Variants in BRINP1 observed in about 807,000 individuals in gnomAD.
BRINP1 encodes the protein BMP/retinoic acid inducible neural specific 1, also known as BMP/retinoic acid-inducible neural-specific protein 1.
Under a neutral mutation model 72.9 loss-of-function variants are expected in BRINP1, and 17 were observed. The ratio of observed to expected loss-of-function variants is 0.23; its 90% CI spans 0.16 to 0.35. BRINP1 has a LOEUF of 0.35. Among genes scored for constraint, BRINP1 ranks in the 10% least tolerant of loss-of-function variants. The pLI is 1.00. For synonymous variants in BRINP1, 418 were observed against 378.5 expected, an observed-to-expected ratio of 1.10 and a Z score of -1.21; for missense variants, 850 against 1,001.6, an observed-to-expected ratio of 0.85 and a Z score of 2.04.
chr9:119,278,961 C>T (rs534901628), intron 2 of BRINP1, among the ~76,000 whole-genome samples: 11 of 152,192 alleles, frequency 7.2e-5, no homozygotes, highest in African/African-American at 2.6e-4. Context: ...TTGATTTTTA[C>T]ATCCAAAATA....
chr9:119,195,528 A>G (rs934432848), intron 7 of BRINP1, among the ~76,000 whole-genome samples: 2 of 152,368 alleles, frequency 1.3e-5, no homozygotes, highest in South Asian at 2.1e-4. Flanking sequence ...AGCCCTTTGC[A>G]AACTTTAAAG....
chr9:119,305,452 C>T (rs937878845), intron 2 of BRINP1, among the ~76,000 whole-genome samples: 1 of 152,198 alleles, frequency 6.6e-6, no homozygotes, highest in African/African-American at 2.4e-5. Context: ...TGCTCTCCAA[C>T]CTTATGCCCT....
chr9:119,256,053 C>T (rs1182993333), intron 2 of BRINP1, among the ~76,000 whole-genome samples: 1 of 150,128 alleles, frequency 6.7e-6, no homozygotes, highest in African/African-American at 2.4e-5. Flanking sequence ...ATCCGTGTCT[C>T]TACCTGTGAA....
chr9:119,304,474 C>A (rs1417652465), intron 2 of BRINP1, among the ~76,000 whole-genome samples: 1 of 152,188 alleles, frequency 6.6e-6, no homozygotes, highest in Non-Finnish European at 1.5e-5. Flanking sequence ...GGATGCAAAG[C>A]CTTCCTCCAA....
chr9:119,280,500 TC>T (rs1320382817), intron 2 of BRINP1, among the ~76,000 whole-genome samples: 2 of 151,940 alleles, frequency 1.3e-5, no homozygotes, highest in Non-Finnish European at 2.9e-5. Context: ...TGCCTCAGCC[TC>T]CCAAAGTGCT....
intron 2 of BRINP1, chr9:119,283,217 CTCATCGTCCCTGGAACTGCAGCT>C: frequency 1.0e-6 from 1 of 977,978 alleles, no homozygotes; most frequent in Non-Finnish European, 1.2e-6. Context: ...AACAGTAGTC[CTCATCGTCCCTGGAACTGCAGCT>C]TCAGCTGCCT....
At chr9:119,268,120 G>A (rs1450144285) in intron 2 of BRINP1, among the ~76,000 whole-genome samples, 2 of 152,220 alleles carry the variant, frequency 1.3e-5, no homozygotes, top group South Asian at 2.1e-4. Flanking sequence ...GCACATGCCT[G>A]TAATCCCAGC....
chr9:119,289,180 G>A (rs369588240), intron 2 of BRINP1, among the ~76,000 whole-genome samples: 11 of 152,342 alleles, frequency 7.2e-5, no homozygotes, highest in African/African-American at 2.4e-4. Flanking sequence ...GCATTCTAAA[G>A]CAAAAGAACA....
At chr9:119,226,609 C>T (rs1242969608) in intron 5 of BRINP1, among the ~76,000 whole-genome samples, 4 of 151,980 alleles carry the variant, frequency 2.6e-5, no homozygotes, top group Non-Finnish European at 5.9e-5. Flanking sequence ...TCAGAAGCAG[C>T]TCTTTTTACA....
intron 2 of BRINP1, among the ~76,000 whole-genome samples, chr9:119,299,867 A>T (rs1305451611): frequency 6.6e-6 from 1 of 152,172 alleles, no homozygotes; most frequent in Non-Finnish European, 1.5e-5. Context: ...GGAAATGCAG[A>T]TATCCCAACT....
At chr9:119,342,641 T>A (rs2119025038) in intron 1 of BRINP1, among the ~76,000 whole-genome samples, 1 of 152,374 alleles carries the variant, frequency 6.6e-6, no homozygotes, top group Non-Finnish European at 1.5e-5. Context: ...AGACACCGTA[T>A]GCCTGGTCTT....
At chr9:119,282,365 C>T (rs10217394) in intron 2 of BRINP1, among the ~76,000 whole-genome samples, 34,536 of 152,040 alleles carry the variant, frequency 0.23, 5,077 homozygotes, top group East Asian at 0.51. Flanking sequence ...GGATCCCTTC[C>T]GTAAGATCCA....
intron 1 of BRINP1, among the ~76,000 whole-genome samples, chr9:119,349,506 G>C (rs1216483438): frequency 6.6e-6 from 1 of 152,202 alleles, no homozygotes; most frequent in Admixed American, 6.5e-5. Context: ...GCGTTACAAG[G>C]AAGATGGATT....
chr9:119,277,314 T>C (rs763962593), intron 2 of BRINP1, among the ~76,000 whole-genome samples: 84 of 152,326 alleles, frequency 5.5e-4, no homozygotes, highest in Admixed American at 1.7e-3. Flanking sequence ...GAAATCTCCA[T>C]GAAGGACGCA....
chr9:119,268,683 T>C (rs1298912592), intron 2 of BRINP1, among the ~76,000 whole-genome samples: 1 of 152,216 alleles, frequency 6.6e-6, no homozygotes, highest in Non-Finnish European at 1.5e-5. Flanking sequence ...CCACCTATTC[T>C]CCAGGCCTCG....
intron 1 of BRINP1, among the ~76,000 whole-genome samples, chr9:119,342,579 C>G (rs1831416077): frequency 6.6e-6 from 1 of 152,222 alleles, no homozygotes; most frequent in South Asian, 2.1e-4. Flanking sequence ...CCATTTATGT[C>G]TCCACAAAAT....
At chr9:119,249,840 AAGGAAGGAAGGAAGGG>A (rs1193389817) in intron 2 of BRINP1, among the ~76,000 whole-genome samples, 4 of 70,012 alleles carry the variant, frequency 5.7e-5, no homozygotes, top group African/African-American at 2.8e-4. Context: ...GGAAGGAAGG[AAGGAAGGAAGGAAGGG>A]AGGGAGGGAG....
At chr9:119,299,125 T>C (rs993242764) in intron 2 of BRINP1, among the ~76,000 whole-genome samples, 4 of 152,140 alleles carry the variant, frequency 2.6e-5, no homozygotes, top group Non-Finnish European at 5.9e-5. Flanking sequence ...ATTATTATTA[T>C]TATTAATTAC....
At position 119,197,487 on chromosome 9, in the gene BRINP1, TATC is replaced by T. The variant is rs1482555709; in HGVS notation, c.1145+11229_1145+11231del. Among the ~76,000 whole-genome samples the T allele has an allele frequency of 3.9e-5, 6 of 152,272 alleles. No homozygotes were observed. In the East Asian group the frequency reaches 9.6e-4, roughly 24 times the overall value. On this transcript the variant is annotated intron_variant, in intron 7 of 7. Transcript: ENST00000265922. ...ATGGTCAATGTATGACAGGTATTAT[TATC>T]ATCATTTTTTTCTTACTATAATAGG...
Sources: allele counts gnomAD v4.1 joint callset (sites outside exome capture counted in the v4.1 genomes callset), GRCh38; gene constraint gnomAD v4.1.1; transcripts MANE v1.5; gene names NCBI Gene and HGNC (gene_info 2026-07-23, HGNC 2026-07-21).